The following NNT variants were observed in gnomAD, a reference collection of about 807,000 sequenced individuals.
NNT encodes nicotinamide nucleotide transhydrogenase, also known as NAD(P) transhydrogenase, mitochondrial.
A neutral mutation model predicts 104.8 loss-of-function variants in NNT; 50 were observed. The ratio of observed to expected loss-of-function variants is 0.48; its 90% CI spans 0.38 to 0.60. The LOEUF (loss-of-function observed/expected upper bound fraction) is 0.60. Ranked by LOEUF, NNT falls within the 20% of genes least tolerant of loss-of-function variation. NNT has a pLI of 0.00. For synonymous variants in NNT, 461 were observed against 490.4 expected (o/e 0.94, Z 0.79); for missense variants, 1,131 against 1,330.7 (o/e 0.85, Z 2.33).
At chr5:43,686,676 A>G (rs906334349) in intron 19 of NNT, among the ~76,000 whole-genome samples, 2 of 152,126 alleles carry the variant, frequency 1.3e-5, no homozygotes, top group Non-Finnish European at 2.9e-5. Flanking sequence ...TTATTTGAAA[A>G]ACAGATGAAC....
At chr5:43,653,334 T>C in intron 14 of NNT, 121 bp downstream of exon 14, 1 of 920,088 alleles carries the variant, frequency 1.1e-6, no homozygotes, top group Non-Finnish European at 1.6e-6. Flanking sequence ...TAATATTATT[T>C]TGGTGAAAAT....
intron 19 of NNT, among the ~76,000 whole-genome samples, chr5:43,696,233 A>G (rs62368577): frequency 0.037 from 5,666 of 152,176 alleles, 216 homozygotes; most frequent in East Asian, 0.2. Context: ...AATGGGAGAA[A>G]TTGGCCAAAA....
At chr5:43,669,147 C>G (rs1740893642) in intron 17 of NNT, among the ~76,000 whole-genome samples, 1 of 152,114 alleles carries the variant, frequency 6.6e-6, no homozygotes, top group Non-Finnish European at 1.5e-5. Flanking sequence ...TGAGACTTTG[C>G]TGAAGTTGCT....
At chr5:43,646,315 T>G (rs1739427528) in intron 10 of NNT, among the ~76,000 whole-genome samples, 2 of 152,128 alleles carry the variant, frequency 1.3e-5, no homozygotes, top group South Asian at 4.1e-4. Context: ...AGACAGAATC[T>G]TTTTTTGTTG....
chr5:43,645,398 T>C lies in NNT; in HGVS notation c.1332T>C (p.Ile444=). Residue 444 remains isoleucine (I), a synonymous_variant, in exon 10 of 22, where the codon ATT becomes ATC. Transcript: ENST00000344920. ...VIFPAPTPKN[I]PQGAPVKQKT... ...TCCCAGCTCCCACACCGAAAAATATTCCTCAAGGTGCCCCAGTAAAACAGA... is the reference window on the plus strand; with the variant it reads ...TCCCAGCTCCCACACCGAAAAATATCCCTCAAGGTGCCCCAGTAAAACAGA... 1 of 1,566,208 alleles carries C rather than the reference T, an allele frequency of 6.4e-7. No individual in the cohort carries two copies. Among genetic ancestry groups the C allele is most frequent in the Non-Finnish European group, 8.7e-7 (1 of 1,154,770 alleles).
chr5:43,689,469 A>C (rs1742152998), intron 19 of NNT, among the ~76,000 whole-genome samples: 1 of 152,184 alleles, frequency 6.6e-6, no homozygotes, highest in South Asian at 2.1e-4. Context: ...TCCTCACCTA[A>C]GCCAATGTCT....
Position 43,648,100 on chromosome 5 carries a change from G to C in NNT, c.1445-1047G>C, listed in dbSNP as rs1053859449. 7.4e-6 allele frequency: 9 copies of C among 1,210,874 alleles called. No individual in the cohort carries two copies. The African/African-American group carries it at 1.4e-4, about 19-fold the overall frequency. 75.0% of individuals were successfully genotyped at this position (1,210,874 alleles called of 1,614,324 possible). On this transcript the variant is annotated intron_variant, in intron 10 of 21. Coordinates refer to ENST00000344920, the MANE Select transcript of NNT (RefSeq NM_182977.3). Reference sequence around the variant, plus strand: ...ATGCAACTTCTCTAATTTTTAACTGGAAGACAAAATAGTGTTGTATCTAAC... The same window carrying C: ...ATGCAACTTCTCTAATTTTTAACTGCAAGACAAAATAGTGTTGTATCTAAC...
In NNT at chr5:43,645,359, T is replaced by A. The variant is rs763216894; in HGVS notation, c.1293T>A (p.Asp431Glu). The A allele has an allele frequency of 6.5e-7, 1 of 1,535,422 alleles. No individual in the cohort carries two copies. Among genetic ancestry groups the A allele is most frequent in the South Asian group, 1.3e-5 (1 of 78,136 alleles). ...TACTATTTTTTAATGTCTATTAGGA[T>A]GGTAAAGTGATTTTCCCAGCTCCCA... Reference protein sequence around the residue: ...HVIRGTVVMKDGKVIFPAPTP... With the variant: ...HVIRGTVVMKEGKVIFPAPTP... The change falls in exon 10 of 22, where the codon GAT becomes GAA. Residue 431 changes from aspartate to glutamate, a missense_variant and splice_region_variant. Asp to Glu is a conservative substitution (Grantham distance 45). Transcript: ENST00000344920.
intron 7 of NNT, among the ~76,000 whole-genome samples, chr5:43,642,251 G>A (rs999452902): frequency 1.2e-4 from 19 of 152,174 alleles, no homozygotes; most frequent in African/African-American, 4.6e-4. Context: ...GAAAGTACAG[G>A]TAGCCCTTTA....
intron 20 of NNT, 143 bp downstream of exon 20, chr5:43,700,380 T>C: frequency 3.5e-6 from 2 of 571,820 alleles, no homozygotes; most frequent in Non-Finnish European, 6.1e-6. Flanking sequence ...TAAGTTGAAA[T>C]TAAATAAGTG....
chr5:43,696,517 A>G (rs183958769), intron 19 of NNT, among the ~76,000 whole-genome samples: 3 of 152,264 alleles, frequency 2.0e-5, no homozygotes, highest in Non-Finnish European at 4.4e-5. Flanking sequence ...GGTCTGGAGG[A>G]TGGTGGCCCT....
chr5:43,621,866 A>T (rs1402020537), intron 5 of NNT, among the ~76,000 whole-genome samples: 6 of 152,204 alleles, frequency 3.9e-5, no homozygotes, highest in Admixed American at 1.3e-4. Context: ...AGCATTTAGG[A>T]TTCCAGTATT....
At chr5:43,668,491 T>C (rs2112039574) in intron 17 of NNT, among the ~76,000 whole-genome samples, 1 of 152,342 alleles carries the variant, frequency 6.6e-6, no homozygotes, top group Non-Finnish European at 1.5e-5. Context: ...TTCAGCTTTC[T>C]TCATATGTCT....
At chr5:43,640,215 C>G (rs558930251) in intron 7 of NNT, among the ~76,000 whole-genome samples, 14 of 152,110 alleles carry the variant, frequency 9.2e-5, no homozygotes, top group African/African-American at 3.1e-4. Context: ...GAGGGCATCT[C>G]TTTATATTTG....
At chr5:43,676,038 TAATA>T (rs924250992) in intron 18 of NNT, among the ~76,000 whole-genome samples, 11 of 152,226 alleles carry the variant, frequency 7.2e-5, no homozygotes, top group Non-Finnish European at 1.2e-4. Flanking sequence ...TAGAGTTGCT[TAATA>T]AATGTTGTTT....
At position 43,656,876 on chromosome 5, in the gene NNT, A is replaced by G. The variant is rs1740084101; in HGVS notation, c.2454+63A>G. ...AGAACTGGGAATATTTTGTTAGATT[A>G]AAGTGTAATCATATTTTTATCTCTT... On this transcript the variant is annotated intron_variant, in intron 16 of 21. Transcript: ENST00000344920. 5.5e-6 allele frequency: 8 copies of G among 1,466,264 alleles called. No individual in the cohort carries two copies. The African/African-American group carries it at 1.1e-4, about 21-fold the overall frequency. The allele number at this position is 1,466,264 out of a possible 1,614,324, so 90.8% of individuals were successfully genotyped here. A position where few individuals can be genotyped will look rare whatever the true frequency, so the allele number is the denominator to read the frequency against.
intron 13 of NNT, 37 bp downstream of exon 13, chr5:43,651,921 A>C (rs767499523): frequency 3.1e-5 from 50 of 1,596,096 alleles, no homozygotes; most frequent in Non-Finnish European, 3.4e-6. Flanking sequence ...ATTTACCACA[A>C]TATTTTCTTC....
rs552957078 is a variant in NNT at position 43,625,187 on chromosome 5, T to A, written c.776+1067T>A. 7.2e-5 allele frequency among the ~76,000 whole-genome samples: 11 copies of A among 152,328 alleles called. No individual in the cohort carries two copies. In the South Asian group the frequency reaches 1.4e-3, roughly 20 times the overall value. On this transcript the variant is annotated intron_variant, in intron 6 of 21. Transcript: ENST00000344920. ...CATAGAAAGCCGGTCGTTTAAGTTT[T>A]CATTGTAGTGGACAGTAGTATTAAA... is the stretch of plus-strand genomic sequence containing the variant.
intron 1 of NNT, among the ~76,000 whole-genome samples, chr5:43,605,586 GT>G (rs898187098): frequency 7.9e-6 from 1 of 125,976 alleles, no homozygotes; most frequent in Non-Finnish European, 1.7e-5. Flanking sequence ...GAGTTATAAA[GT>G]TTTTTTCTTA....
Sources: allele counts gnomAD v4.1 joint callset (sites outside exome capture counted in the v4.1 genomes callset), GRCh38; gene constraint gnomAD v4.1.1; transcripts MANE v1.5; gene names NCBI Gene and HGNC (gene_info 2026-07-23, HGNC 2026-07-21).